NOS2: variants seen among roughly 807,000 people sequenced by gnomAD.
NOS2 encodes the protein nitric oxide synthase 2.
A neutral mutation model predicts 136.0 loss-of-function variants in NOS2; 96 were observed. That is an observed-to-expected ratio of 0.71 (90% confidence interval 0.60 to 0.84). The LOEUF is 0.84. Among genes scored for constraint, NOS2 ranks in the 40% least tolerant of loss-of-function variants. The pLI, the probability that NOS2 is intolerant of heterozygous loss-of-function variation, is 0.00. For synonymous variants in NOS2, 539 were observed against 587.5 expected, an observed-to-expected ratio of 0.92 and a Z score of 1.20; for missense variants, 1,237 against 1,496.9, an observed-to-expected ratio of 0.83 and a Z score of 2.87.
chr17:27,774,354 T>C lies in NOS2; in HGVS notation c.1379A>G (p.Asp460Gly). 1.9e-6 allele frequency: 3 copies of C among 1,584,562 alleles called. No individual in the cohort carries two copies. Among genetic ancestry groups the C allele is most frequent in the Non-Finnish European group, 2.6e-6 (3 of 1,165,458 alleles). Residue 460 changes from aspartate to glycine, a missense_variant, in exon 12 of 27, where the codon GAC (aspartate) becomes GGC (glycine). By Grantham distance (94) the Asp-to-Gly change is moderately conservative. Around this residue, in one of 3 missense-constraint regions of NOS2, gnomAD observed 782 missense variants for 909.9 expected, o/e 0.86. Transcript: ENST00000313735. ...CATGGGAGGGACCAGCCAAATCCAG[T>C]CTGCCGGGCAGCCCCCACGGGACCG... is the stretch of plus-strand genomic sequence containing the variant. ...EYRSRGGCPA[D>G]WIWLVPPMSG...
At chr17:27,766,669 T>G (rs1908313471) in intron 18 of NOS2, 81 bp from the exon 19 acceptor site, 1 of 1,101,096 alleles carries the variant, frequency 9.1e-7, no homozygotes, top group Non-Finnish European at 1.4e-6. Context: ...TCTGAGTCAG[T>G]GACATCTGAA....
In NOS2 at chr17:27,785,957, CAAAAA is replaced by C. The variant is rs1170004221; in HGVS notation, c.467+1716_467+1720del. On this transcript the variant is annotated intron_variant, in intron 5 of 26. Coordinates refer to ENST00000313735, the MANE Select transcript of NOS2 (RefSeq NM_000625.4). ...TGGGAGACAGAGCAAGACCGAGTCT[CAAAAA>C]AAAAAAAAAAAAAAAAAAAAAGACA... 1.3e-4 allele frequency among the ~76,000 whole-genome samples: 5 copies of C among 39,802 alleles called. No homozygotes were observed. In the Admixed American group the frequency reaches 1.7e-3, roughly 13 times the overall value. The allele number at this position is 39,802 out of a possible 152,430, so 26.1% of individuals were successfully genotyped here. A position where few individuals can be genotyped will look rare whatever the true frequency, so the allele number is the denominator to read the frequency against.
chr17:27,769,124 GC>G lies in NOS2; in HGVS notation c.1886del (p.Ser629ThrfsTer74). The part of the protein sequence containing the change: ...FRYAVFGLGS[S>X]MYPRFCAFAH... ...CAAAGGCGCAGAACCGAGGGTACAT[GC>G]TGGAGCCGAGGCCAAACACAGCGTA... On this transcript the variant is annotated frameshift_variant, in exon 17 of 27. Transcript: ENST00000313735. LOFTEE classifies it high-confidence loss of function. 2 of 1,612,036 alleles carry G rather than the reference GC, an allele frequency of 1.2e-6. No homozygotes were observed. The highest frequency in any genetic ancestry group is 1.7e-6 in the Non-Finnish European group (2 of 1,179,720).
intron 5 of NOS2, among the ~76,000 whole-genome samples, chr17:27,787,293 T>C (rs923006508): frequency 1.3e-5 from 2 of 152,196 alleles, no homozygotes; most frequent in Admixed American, 6.5e-5. Flanking sequence ...GCCAGGACAC[T>C]GTTCTGAACT....
chr17:27,761,280 A>G, intron 22 of NOS2, 49 bp from the exon 23 acceptor site: 2 of 1,464,288 alleles, frequency 1.4e-6, no homozygotes, highest in Non-Finnish European at 1.9e-6. Context: ...GCCCATGCGC[A>G]AACTGTACCA....
intron 23 of NOS2, 31 bp from the exon 24 acceptor site, chr17:27,760,775 C>T: frequency 6.5e-7 from 1 of 1,543,360 alleles, no homozygotes; most frequent in Non-Finnish European, 8.7e-7. Flanking sequence ...GGGGGCCAGT[C>T]CTCAGACACC....
At chr17:27,767,639 T>C (rs1028998638) in intron 18 of NOS2, 66 bp downstream of exon 18, 9 of 1,567,472 alleles carry the variant, frequency 5.7e-6, no homozygotes, top group Admixed American at 1.8e-5. Flanking sequence ...GGGGTCTCCT[T>C]GACCATGGGC....
intron 2 of NOS2, among the ~76,000 whole-genome samples, chr17:27,790,071 T>G (rs542233853): frequency 2.6e-5 from 4 of 152,324 alleles, no homozygotes; most frequent in African/African-American, 9.6e-5. Flanking sequence ...CAGCAGCCAC[T>G]TGGATTGGTT....
At chr17:27,768,474 C>T (rs979219286) in intron 17 of NOS2, among the ~76,000 whole-genome samples, 3 of 152,220 alleles carry the variant, frequency 2.0e-5, no homozygotes, top group Non-Finnish European at 4.4e-5. Flanking sequence ...GGAACCAAGC[C>T]TGCCCCGATG....
Position 27,771,012 on chromosome 17 carries a change from G to A in NOS2, c.1710C>T (p.Val570=), listed in dbSNP as rs780405656. 1 of 1,613,512 alleles carries A rather than the reference G, an allele frequency of 6.2e-7. No homozygotes were observed. Among genetic ancestry groups the A allele is most frequent in the Admixed American group, 1.7e-5 (1 of 60,008 alleles). Residue 570 remains valine (V), a synonymous_variant, in exon 15 of 27, where the codon GTC becomes GTT. Coordinates refer to ENST00000313735, the MANE Select transcript of NOS2 (RefSeq NM_000625.4). ...LFSCAFNPKV[V]CMDKYRLSCL... The stretch of plus-strand genomic sequence containing the variant: ...AGCTCAGCCTGTACTTATCCATGCA[G>A]ACAACCTGGATGGCACCCAAGTGGA...
intron 5 of NOS2, among the ~76,000 whole-genome samples, chr17:27,783,786 G>T (rs1286282344): frequency 1.3e-5 from 2 of 152,220 alleles, no homozygotes; most frequent in African/African-American, 2.4e-5. Context: ...TCAGACCCAG[G>T]TCGCCCTGAT....
intron 24 of NOS2, 92 bp from the exon 25 acceptor site, chr17:27,760,270 G>T (rs1908076063): frequency 7.7e-7 from 1 of 1,305,258 alleles, no homozygotes. Context: ...ACTCCCACTA[G>T]CTATTTAATA....
At chr17:27,787,484 C>T (rs937291004) in intron 5 of NOS2, among the ~76,000 whole-genome samples, 194 bp downstream of exon 5, 1 of 152,182 alleles carries the variant, frequency 6.6e-6, no homozygotes, top group Admixed American at 6.5e-5. Flanking sequence ...ACAACGTTAT[C>T]CCACAATTAT....
intron 25 of NOS2, among the ~76,000 whole-genome samples, chr17:27,759,584 G>A (rs1308285484): frequency 6.6e-5 from 10 of 152,134 alleles, no homozygotes; most frequent in Non-Finnish European, 1.3e-4. Context: ...GTGCCCTGAT[G>A]GGACAAATGT....
intron 13 of NOS2, 28 bp from the exon 14 acceptor site, chr17:27,772,480 C>T (rs779496697): frequency 3.1e-6 from 5 of 1,612,690 alleles, no homozygotes; most frequent in Non-Finnish European, 4.2e-6. Context: ...CAGGCAGGCG[C>T]TGTGTGCTGA....
chr17:27,761,811 C>CA (rs1440361124), intron 22 of NOS2, among the ~76,000 whole-genome samples: 1 of 152,138 alleles, frequency 6.6e-6, no homozygotes, highest in Non-Finnish European at 1.5e-5. Flanking sequence ...GTTCCCTTTA[C>CA]AATGGCCCAG....
chr17:27,782,878 T>A, intron 6 of NOS2, 66 bp downstream of exon 6: 18 of 1,514,016 alleles, frequency 1.2e-5, no homozygotes, highest in Admixed American at 1.7e-5. Flanking sequence ...GTGTGGCTGT[T>A]CCAAGCCATC....
chr17:27,780,959 T>C, intron 8 of NOS2, 53 bp from the exon 9 acceptor site: 3 of 1,599,068 alleles, frequency 1.9e-6, no homozygotes, highest in Non-Finnish European at 2.6e-6. Flanking sequence ...GCGTGTCTCC[T>C]CTGGGCTCCA....
rs2151323421 is a variant in NOS2, at chr17:27,757,288, C to A, written c.3420G>T (p.Arg1140Ser). The A allele has an allele frequency of 6.2e-7, 1 of 1,614,168 alleles. No individual in the cohort carries two copies. Among genetic ancestry groups the A allele is most frequent in the Non-Finnish European group, 8.5e-7 (1 of 1,180,020 alleles). Reference sequence around the variant, plus strand: ...CCAGGCTGCTGGGCTGCACCGCCACCCTGTCCTTCTTCGCCTCGTAAGGAA... The same window carrying A: ...CCAGGCTGCTGGGCTGCACCGCCACACTGTCCTTCTTCGCCTCGTAAGGAA... ...AVFPYEAKKD[R>S]VAVQPSSLEM... Residue 1140 changes from arginine (R) to serine (S), a missense_variant, in exon 27 of 27, where the codon AGG becomes AGT. Physicochemically the swap from Arg to Ser is moderately radical, Grantham distance 110. Transcript: ENST00000313735.
Sources: allele counts gnomAD v4.1 joint callset (sites outside exome capture counted in the v4.1 genomes callset), GRCh38; gene constraint gnomAD v4.1.1; regional missense constraint gnomAD v4.1.1; transcripts MANE v1.5; gene names NCBI Gene and HGNC (gene_info 2026-07-23, HGNC 2026-07-21).